PTAFR: variants seen among roughly 807,000 people sequenced by gnomAD.
The protein encoded by PTAFR is platelet-activating factor receptor.
A neutral mutation model predicts 14.7 loss-of-function variants in PTAFR; 8 were observed. That is an observed-to-expected ratio of 0.54 (90% CI 0.32 to 0.98). The LOEUF (loss-of-function observed/expected upper bound fraction) is 0.98, where lower values mean the gene tolerates loss of function less well. PTAFR is among the 50% of genes least tolerant of loss of function. The pLI, the probability that PTAFR is intolerant of heterozygous loss-of-function variation, is 0.04. For missense variants in PTAFR, 337 were observed against 451.2 expected, an observed-to-expected ratio of 0.75 and a Z score of 2.29; for synonymous variants, 156 against 176.5, an observed-to-expected ratio of 0.88 and a Z score of 0.92.
chr1:28,168,423 A>G (rs1646415823), intron 1 of PTAFR, among the ~76,000 whole-genome samples: 1 of 152,214 alleles, frequency 6.6e-6, no homozygotes, highest in Admixed American at 6.5e-5. Context: ...ACTCAGCCTT[A>G]CAAAGGAAGA....
At chr1:28,178,978 C>T (rs1235137291), upstream of PTAFR, among the ~76,000 whole-genome samples, 2 of 151,988 alleles carry the variant, frequency 1.3e-5, no homozygotes, top group African/African-American at 4.8e-5. Flanking sequence ...TATAGTGAGA[C>T]CCCATCTTCA....
chr1:28,152,191 C>T, intron 1 of PTAFR, among the ~76,000 whole-genome samples: 1 of 152,216 alleles, frequency 6.6e-6, no homozygotes, highest in South Asian at 2.1e-4. Flanking sequence ...GCCACCACCC[C>T]TGACCATGCA....
intron 1 of PTAFR, among the ~76,000 whole-genome samples, chr1:28,192,066 G>A (rs996610356): frequency 2.0e-5 from 3 of 151,048 alleles, no homozygotes; most frequent in Non-Finnish European, 4.4e-5. Flanking sequence ...GAGTGAGATT[G>A]TGTCTCAATA....
chr1:28,166,698 C>A (rs1005968544), intron 1 of PTAFR, among the ~76,000 whole-genome samples: 1 of 151,888 alleles, frequency 6.6e-6, no homozygotes, highest in East Asian at 1.9e-4. Flanking sequence ...CACAACAGGC[C>A]AGATACAGTG....
At chr1:28,161,413 T>C (rs1431460392) in intron 1 of PTAFR, among the ~76,000 whole-genome samples, 1 of 152,174 alleles carries the variant, frequency 6.6e-6, no homozygotes, top group Non-Finnish European at 1.5e-5. Context: ...CAGTCAAAAA[T>C]AAGTGGAGCA....
chr1:28,178,687 C>G (rs553747025), upstream of PTAFR, among the ~76,000 whole-genome samples: 17 of 152,062 alleles, frequency 1.1e-4, no homozygotes, highest in African/African-American at 3.9e-4. Flanking sequence ...CACTTGCACA[C>G]TCGCATACAC....
At chr1:28,158,813 A>G (rs1481777063) in intron 1 of PTAFR, among the ~76,000 whole-genome samples, 1 of 152,176 alleles carries the variant, frequency 6.6e-6, no homozygotes, top group Non-Finnish European at 1.5e-5. Context: ...TGGAAGGGAC[A>G]AGACTGGGTC....
chr1:28,157,738 C>T (rs1646281158), intron 1 of PTAFR, among the ~76,000 whole-genome samples: 1 of 151,682 alleles, frequency 6.6e-6, no homozygotes, highest in African/African-American at 2.4e-5. Context: ...ACGCCATTCT[C>T]CTGCCTCAGC....
At chr1:28,153,615 C>T (rs1039245872) in intron 1 of PTAFR, among the ~76,000 whole-genome samples, 3 of 150,010 alleles carry the variant, frequency 2.0e-5, no homozygotes, top group African/African-American at 7.4e-5. Context: ...ACAGGCTAGG[C>T]GCGGTGGCTC....
intron 1 of PTAFR, among the ~76,000 whole-genome samples, chr1:28,189,629 T>C (rs1646636266): frequency 6.6e-6 from 1 of 151,086 alleles, no homozygotes; most frequent in African/African-American, 2.4e-5. Flanking sequence ...AATAAATAAA[T>C]ATAAATAAAC....
rs867905260 is a variant in PTAFR, at chr1:28,167,656, T to A, written c.-39+8936A>T. ...GGATTTTTTTTTTTTTTTTTTTTTTTTTTTTTTGAGATGGAGCCTTACTCT... is the reference window on the plus strand; with the variant it reads ...GGATTTTTTTTTTTTTTTTTTTTTTATTTTTTTGAGATGGAGCCTTACTCT... On this transcript the variant is annotated intron_variant, in intron 1 of 1. Coordinates refer to ENST00000373857, the MANE Select transcript of PTAFR (RefSeq NM_000952.5). Among the ~76,000 whole-genome samples the A allele has an allele frequency of 1.5e-3, 218 of 141,232 alleles. 3 individuals are homozygous for A. The highest frequency in any genetic ancestry group is 5.7e-3 in the African/African-American group (210 of 37,158). The allele number at this position is 141,232 out of a possible 152,430, so 92.7% of individuals were successfully genotyped here. A position where few individuals can be genotyped will look rare whatever the true frequency, so the allele number is the denominator to read the frequency against.
At chr1:28,155,722 G>T (rs1646256820) in intron 1 of PTAFR, among the ~76,000 whole-genome samples, 1 of 151,602 alleles carries the variant, frequency 6.6e-6, no homozygotes, top group African/African-American at 2.4e-5. Flanking sequence ...ATTTAAATTA[G>T]CAAGGCATGG....
intron 1 of PTAFR, among the ~76,000 whole-genome samples, chr1:28,160,227 A>C (rs989355132): frequency 2.0e-5 from 3 of 151,540 alleles, no homozygotes; most frequent in East Asian, 1.9e-4. Context: ...CACACACACA[A>C]AAAAGAATTA....
chr1:28,189,982 T>C (rs535267664), intron 1 of PTAFR, among the ~76,000 whole-genome samples: 1 of 134,160 alleles, frequency 7.5e-6, no homozygotes, highest in South Asian at 2.4e-4. Flanking sequence ...CATTTATTTT[T>C]TTTGAGATGG....
intron 1 of PTAFR, among the ~76,000 whole-genome samples, chr1:28,186,178 T>C (rs1167139218): frequency 9.9e-5 from 15 of 152,114 alleles, no homozygotes; most frequent in Non-Finnish European, 2.1e-4. Flanking sequence ...AGAGACAGGG[T>C]TTCACCATGT....
At chr1:28,153,646 T>C (rs1646223791) in intron 1 of PTAFR, among the ~76,000 whole-genome samples, 2 of 151,178 alleles carry the variant, frequency 1.3e-5, no homozygotes, top group Non-Finnish European at 1.5e-5. Flanking sequence ...TCCCAGCACT[T>C]TGGGAGGCCG....
chr1:28,193,175 C>T (rs540504434), intron 1 of PTAFR, among the ~76,000 whole-genome samples: 1 of 149,900 alleles, frequency 6.7e-6, no homozygotes, highest in Non-Finnish European at 1.5e-5. Context: ...TGCTGTGTGT[C>T]TGTGTGTGTG....
intron 1 of PTAFR, among the ~76,000 whole-genome samples, chr1:28,193,200 A>G (rs77764145): frequency 0.06 from 9,095 of 151,538 alleles, 301 homozygotes; most frequent in Middle Eastern, 0.092. Context: ...TGTAGGGAAG[A>G]TATTTGTGAG....
At chr1:28,166,815 C>T (rs958000535) in intron 1 of PTAFR, among the ~76,000 whole-genome samples, 1 of 152,004 alleles carries the variant, frequency 6.6e-6, no homozygotes, top group Non-Finnish European at 1.5e-5. Context: ...TGTTTCTACA[C>T]AAAATTTAAA....
Sources: allele counts gnomAD v4.1 joint callset (sites outside exome capture counted in the v4.1 genomes callset), GRCh38; gene constraint gnomAD v4.1.1; transcripts MANE v1.5; gene names NCBI Gene and HGNC (gene_info 2026-07-23, HGNC 2026-07-21).